The following REG3G variants were observed in gnomAD, a reference collection of about 807,000 sequenced individuals.
The protein encoded by REG3G is regenerating islet-derived protein 3-gamma.
In REG3G, 19 loss-of-function variants were observed where a neutral mutation model predicts 20.9. The ratio of observed to expected loss-of-function variants is 0.91; its 90% CI spans 0.64 to 1.34. The LOEUF (loss-of-function observed/expected upper bound fraction) is 1.34, where lower values mean the gene tolerates loss of function less well. Ranked by LOEUF, REG3G falls within the 40% of genes most tolerant of loss-of-function variation. REG3G has a pLI of 0.00. For missense variants in REG3G, 235 were observed against 205.0 expected, an observed-to-expected ratio of 1.15 and a Z score of -0.89; for synonymous variants, 89 against 77.4, an observed-to-expected ratio of 1.15 and a Z score of -0.79.
rs61740756 is a variant in REG3G at position 79,027,823 on chromosome 2, G to A, written c.350G>A (p.Gly117Glu). 4.2e-3 allele frequency: 6,716 copies of A among 1,614,008 alleles called. 164 individuals are homozygous for A. The African/African-American group carries it at 0.064, about 15-fold the overall frequency. ...HDPTQGSEPD[G>E]DGWEWSSTDV... The stretch of plus-strand genomic sequence containing the variant: ...TCTCTATAGGGCTCTGAGCCTGATG[G>A]AGATGGATGGGAGTGGAGTAGCACT... Residue 117 changes from glycine to glutamate, a missense_variant, in exon 5 of 6, where the codon GGA (glycine) becomes GAA (glutamate). Gly to Glu is a moderately conservative substitution (Grantham distance 98). Transcript: ENST00000272324.
Position 79,026,162 on chromosome 2 carries a change from G to T in REG3G, c.69G>T (p.Gln23His). ...MLLSCLILLC[Q>H]VQGEETQKEL... ...TTTCCTGCCTCATTCTCCTGTGTCA[G>T]GTTCAAGGTGAGATTTCTCTGCCTC... Residue 23 changes from glutamine (Q) to histidine (H), a missense_variant, in exon 2 of 6, where the codon CAG (glutamine) becomes CAT (histidine). Physicochemically the swap from Gln to His is conservative, Grantham distance 24. Coordinates refer to ENST00000272324, the MANE Select transcript of REG3G (RefSeq NM_001008387.3). 1 of 1,613,896 alleles carries T rather than the reference G, an allele frequency of 6.2e-7. No individual in the cohort carries two copies. Among genetic ancestry groups the T allele is most frequent in the Non-Finnish European group, 8.5e-7 (1 of 1,179,834 alleles).
Position 79,027,756 on chromosome 2 carries a change from G to A in REG3G, c.334-51G>A, listed in dbSNP as rs367713823. ...TGTTACAGCTCAGGGGCCATGCAAAGAGACCTGCAATGGCCATTTTCTTCA... is the reference window on the plus strand; with the variant it reads ...TGTTACAGCTCAGGGGCCATGCAAAAAGACCTGCAATGGCCATTTTCTTCA... On this transcript the variant is annotated intron_variant, in intron 4 of 5. Coordinates refer to ENST00000272324, the MANE Select transcript of REG3G (RefSeq NM_001008387.3). 3.5e-5 allele frequency: 56 copies of A among 1,610,456 alleles called. No homozygotes were observed. In the African/African-American group the frequency reaches 6.5e-4, roughly 19 times the overall value.
intron 5 of REG3G, 65 bp from the exon 6 acceptor site, chr2:79,028,144 G>A: frequency 7.5e-7 from 1 of 1,337,100 alleles, no homozygotes; most frequent in African/African-American, 1.4e-5. Context: ...CTAAAACCTG[G>A]GATGCCTCTT....
chr2:79,027,681 C>A (rs979210063), intron 4 of REG3G, 126 bp from the exon 5 acceptor site: 13 of 1,035,344 alleles, frequency 1.3e-5, no homozygotes, highest in Non-Finnish European at 1.9e-5. Context: ...GACTCTAGGG[C>A]AGCATCTGGA....
chr2:79,026,510 G>A (rs1671623061), intron 2 of REG3G: 5 of 602,838 alleles, frequency 8.3e-6, no homozygotes, highest in South Asian at 2.0e-5. Context: ...GGTTGAATAA[G>A]GGGAAAGGGT....
intron 4 of REG3G, 97 bp from the exon 5 acceptor site, chr2:79,027,710 T>C: frequency 6.9e-7 from 1 of 1,450,140 alleles, no homozygotes; most frequent in Non-Finnish European, 9.5e-7. Flanking sequence ...CCAAAATCCC[T>C]GATGCTGGGG....
rs374468255 is a variant in REG3G, at chr2:79,026,261, A to T, written c.76+92A>T. ...CTCCTGTGTGTCACGTGAGGTAATG[A>T]CGTGGTGTCTAATGAAACTGCCTGC... On this transcript the variant is annotated intron_variant, in intron 2 of 5. Coordinates refer to ENST00000272324, the MANE Select transcript of REG3G (RefSeq NM_001008387.3). The T allele has an allele frequency of 4.7e-6, 6 of 1,283,002 alleles. No individual in the cohort carries two copies. In the African/African-American group the frequency reaches 7.3e-5, roughly 16 times the overall value. The allele number at this position is 1,283,002 out of a possible 1,614,324, so 79.5% of individuals were successfully genotyped here. A position where few individuals can be genotyped will look rare whatever the true frequency, so the allele number is the denominator to read the frequency against.
At position 79,028,347 on chromosome 2, in the gene REG3G, C is replaced by T; in HGVS notation, c.*71C>T. The T allele has an allele frequency of 9.9e-7, 1 of 1,015,150 alleles. No individual in the cohort carries two copies. The highest frequency in any genetic ancestry group is 1.3e-5 in the South Asian group (1 of 78,808). The allele number at this position is 1,015,150 out of a possible 1,614,324, so 62.9% of individuals were successfully genotyped here. A position where few individuals can be genotyped will look rare whatever the true frequency, so the allele number is the denominator to read the frequency against. Reference sequence around the variant, plus strand: ...TGGACATGAGACCAGTGTGAAGACTCACCCTGGAAGAGAATATTCTCCCCA... The same window carrying T: ...TGGACATGAGACCAGTGTGAAGACTTACCCTGGAAGAGAATATTCTCCCCA... On this transcript the variant is annotated 3_prime_UTR_variant, in exon 6 of 6. Transcript: ENST00000272324.
intron 1 of REG3G, 55 bp from the exon 2 acceptor site, chr2:79,025,928 T>C: frequency 1.5e-6 from 1 of 663,356 alleles, no homozygotes; most frequent in East Asian, 2.8e-5. Flanking sequence ...AGTACACAGA[T>C]TCACAGCTCA....
At position 79,028,104 on chromosome 2, in the gene REG3G, G is replaced by A. The variant is rs918685448; in HGVS notation, c.461-105G>A. The A allele has an allele frequency of 7.1e-6, 9 of 1,260,014 alleles. No homozygotes were observed. In the Admixed American group the frequency reaches 7.2e-5, roughly 10 times the overall value. The allele number at this position is 1,260,014 out of a possible 1,614,324, so 78.1% of individuals were successfully genotyped here. On this transcript the variant is annotated intron_variant, in intron 5 of 5. Transcript: ENST00000272324. ...CATTCTCCTGGATTGAGAAACTGGT[G>A]AAGATGAGAGAGAAGCTTTAAATCC...
At position 79,026,157 on chromosome 2, in the gene REG3G, T is replaced by G. The variant is rs148827158; in HGVS notation, c.64T>G (p.Cys22Gly). The change falls in exon 2 of 6, where the codon TGT becomes GGT. Residue 22 changes from cysteine (C) to glycine (G), a missense_variant. Transcript: ENST00000272324. ...GCTGCTTTCCTGCCTCATTCTCCTGTGTCAGGTTCAAGGTGAGATTTCTCT... is the reference window on the plus strand; with the variant it reads ...GCTGCTTTCCTGCCTCATTCTCCTGGGTCAGGTTCAAGGTGAGATTTCTCT... ...WMLLSCLILL[C>G]QVQGEETQKE... 792 of 1,613,922 alleles carry G rather than the reference T, an allele frequency of 4.9e-4. 1 individual carries two copies. The East Asian group carries it at 0.015, about 30-fold the overall frequency.
chr2:79,026,605 T>C, intron 2 of REG3G, 108 bp from the exon 3 acceptor site: 1 of 848,632 alleles, frequency 1.2e-6, no homozygotes, highest in East Asian at 2.4e-5. Context: ...TGAAGAGCTG[T>C]CAGGAATGTG....
In REG3G at chr2:79,027,997, T is replaced by C. The variant is rs867624304; in HGVS notation, c.460+64T>C. ...ACTCCTCATCCCCAATTTCCTGACC[T>C]TCAGGAAATCCTTTTCAGCTAGGTA... On this transcript the variant is annotated intron_variant, in intron 5 of 5. Transcript: ENST00000272324. 4.0e-5 allele frequency: 63 copies of C among 1,593,928 alleles called. No individual in the cohort carries two copies. In the Middle Eastern group the frequency reaches 2.9e-3, roughly 74 times the overall value.
Position 79,027,078 on chromosome 2 carries a change from C to T in REG3G, c.240C>T (p.Leu80=), listed in dbSNP as rs147588385. 324 of 1,614,090 alleles carry T rather than the reference C, an allele frequency of 2.0e-4. No homozygotes were observed. The African/African-American group carries it at 3.6e-3, about 18-fold the overall frequency. ...KRPSGKLVSV[L]SGAEGSFVSS... ...CCTCTGGAAAACTGGTGTCTGTGCT[C>T]AGTGGGGCTGAGGGATCCTTCGTGT... The change falls in exon 4 of 6, where the codon CTC becomes CTT. Residue 80 remains leucine (L), a synonymous_variant. Coordinates refer to ENST00000272324, the MANE Select transcript of REG3G (RefSeq NM_001008387.3).
At chr2:79,026,616 G>T in intron 2 of REG3G, 97 bp from the exon 3 acceptor site, 2 of 946,574 alleles carry the variant, frequency 2.1e-6, no homozygotes, top group South Asian at 1.6e-5. Flanking sequence ...CAGGAATGTG[G>T]TCTTCCTCCC....
Position 79,026,049 on chromosome 2 carries a change from A to G in REG3G, c.-45A>G. 1 of 1,592,434 alleles carries G rather than the reference A, an allele frequency of 6.3e-7. No individual in the cohort carries two copies. Among genetic ancestry groups the G allele is most frequent in the Non-Finnish European group, 8.6e-7 (1 of 1,160,602 alleles). Reference sequence around the variant, plus strand: ...ATATCTGTGTGTCCTCCCGCTGACCACACTTCCTTTAGTGACCCGATTGCC... The same window carrying G: ...ATATCTGTGTGTCCTCCCGCTGACCGCACTTCCTTTAGTGACCCGATTGCC... On this transcript the variant is annotated 5_prime_UTR_variant, in exon 2 of 6. Transcript: ENST00000272324.
In REG3G at chr2:79,026,046, A is replaced by G. The variant is rs1303047005; in HGVS notation, c.-48A>G. On this transcript the variant is annotated 5_prime_UTR_variant, in exon 2 of 6. Coordinates refer to ENST00000272324, the MANE Select transcript of REG3G (RefSeq NM_001008387.3). Reference sequence around the variant, plus strand: ...AGGATATCTGTGTGTCCTCCCGCTGACCACACTTCCTTTAGTGACCCGATT... The same window carrying G: ...AGGATATCTGTGTGTCCTCCCGCTGGCCACACTTCCTTTAGTGACCCGATT... 2.5e-6 allele frequency: 4 copies of G among 1,579,190 alleles called. No individual in the cohort carries two copies. In the South Asian group the frequency reaches 4.4e-5, roughly 17 times the overall value.
intron 2 of REG3G, chr2:79,026,500 G>A: frequency 1.7e-6 from 1 of 599,092 alleles, no homozygotes; most frequent in Non-Finnish European, 3.0e-6. Context: ...AGTGTTGAAT[G>A]GTTGAATAAG....
At chr2:79,027,722 G>T (rs931945392) in intron 4 of REG3G, 85 bp from the exon 5 acceptor site, 3 of 1,496,904 alleles carry the variant, frequency 2.0e-6, no homozygotes, top group Non-Finnish European at 2.8e-6. Flanking sequence ...ATGCTGGGGA[G>T]GAATCAGGTG....
Sources: gnomAD v4.1 joint callset for allele counts on GRCh38, gnomAD v4.1.1 for gene constraint, MANE v1.5 for transcripts, NCBI Gene and HGNC (gene_info 2026-07-23, HGNC 2026-07-21) for gene names.